Variants in FRMPD4 observed in about 807,000 individuals in gnomAD.
FRMPD4 encodes FERM and PDZ domain containing 4, also known as FERM and PDZ domain-containing protein 4.
Under a neutral mutation model 94.1 loss-of-function variants are expected in FRMPD4, and 22 were observed. The observed-to-expected ratio is 0.23, with a 90% CI of 0.17 to 0.33. The LOEUF (loss-of-function observed/expected upper bound fraction) is 0.33, where lower values mean the gene tolerates loss of function less well. Ranked by LOEUF, FRMPD4 falls within the 10% of genes least tolerant of loss-of-function variation. FRMPD4 has a pLI of 1.00. For synonymous variants in FRMPD4, 631 were observed against 548.6 expected, an observed-to-expected ratio of 1.15 and a Z score of -2.10; for missense variants, 1,111 against 1,339.9, an observed-to-expected ratio of 0.83 and a Z score of 2.67.
chrX:12,097,225 G>A (rs1049590156), intron 3 of FRMPD4, among the ~76,000 whole-genome samples: 3 of 111,820 alleles, frequency 2.7e-5, no homozygotes, highest in Admixed American at 1.9e-4. Context: ...AGAATGCAGA[G>A]AATGTTAGAA....
intron 1 of FRMPD4, among the ~76,000 whole-genome samples, chrX:12,218,743 C>T (rs919929660): frequency 1.8e-5 from 2 of 111,929 alleles, no homozygotes; most frequent in Non-Finnish European, 3.8e-5. Context: ...GAGTTTTAAA[C>T]TATGCCCCAG....
intron 1 of FRMPD4, among the ~76,000 whole-genome samples, chrX:12,411,942 G>T (rs1404022910): frequency 1.8e-5 from 2 of 111,695 alleles, no homozygotes; most frequent in Non-Finnish European, 3.8e-5. Context: ...ACTTGGGCAA[G>T]TTTGTCCCCT....
intron 9 of FRMPD4, among the ~76,000 whole-genome samples, chrX:12,695,215 C>T (rs745378610): frequency 9.0e-6 from 1 of 111,355 alleles, no homozygotes; most frequent in Non-Finnish European, 1.9e-5. Flanking sequence ...GGAAGAACAA[C>T]GCGAGTGACT....
At chrX:12,219,634 A>G (rs965580880) in intron 1 of FRMPD4, among the ~76,000 whole-genome samples, 4 of 111,715 alleles carry the variant, frequency 3.6e-5, no homozygotes, top group African/African-American at 1.3e-4. Flanking sequence ...GAATATCTGC[A>G]TTTTAGTCAA....
intron 2 of FRMPD4, among the ~76,000 whole-genome samples, chrX:12,510,859 C>T (rs752240286): frequency 2.7e-5 from 3 of 111,475 alleles, no homozygotes; most frequent in East Asian, 2.8e-4. Context: ...TCCTGAGTTA[C>T]GTTACTCAGA....
intron 3 of FRMPD4, among the ~76,000 whole-genome samples, chrX:11,919,009 T>TCTTTCTC (rs2054040780): frequency 8.9e-6 from 1 of 112,790 alleles, no homozygotes. Flanking sequence ...TCTTTTTTTC[T>TCTTTCTC]CTTTCTCCTG....
chrX:12,440,273 T>C (rs958227955), intron 1 of FRMPD4, among the ~76,000 whole-genome samples: 8 of 112,348 alleles, frequency 7.1e-5, no homozygotes, highest in African/African-American at 2.3e-4. Flanking sequence ...CTATATTTTA[T>C]TTGCAACCCT....
intron 2 of FRMPD4, among the ~76,000 whole-genome samples, chrX:12,530,932 T>A (rs952223060): frequency 9.0e-6 from 1 of 111,265 alleles, no homozygotes; most frequent in African/African-American, 3.3e-5. Context: ...TGGATGGATG[T>A]ATGGATAATG....
intron 2 of FRMPD4, among the ~76,000 whole-genome samples, chrX:12,518,720 GA>G (rs1381118785): frequency 9.0e-6 from 1 of 111,208 alleles, no homozygotes; most frequent in East Asian, 2.8e-4. Context: ...TTAGGCAAGG[GA>G]AAAAAATAAA....
intron 3 of FRMPD4, among the ~76,000 whole-genome samples, chrX:11,893,689 CT>C (rs1364981409): frequency 9.0e-6 from 1 of 111,603 alleles, no homozygotes; most frequent in Non-Finnish European, 1.9e-5. Context: ...GAGGTACTGT[CT>C]TTGGTGAGTT....
At chrX:12,671,062 C>T (rs151204672) in intron 4 of FRMPD4, among the ~76,000 whole-genome samples, 2,232 of 111,633 alleles carry the variant, frequency 0.02, 47 homozygotes, top group African/African-American at 0.066. Flanking sequence ...GTTAGAATGG[C>T]GATCATTAAA....
At chrX:12,538,357 G>T (rs1205001116) in intron 2 of FRMPD4, among the ~76,000 whole-genome samples, 1 of 22,591 alleles carries the variant, frequency 4.4e-5, no homozygotes, top group African/African-American at 9.2e-5. Context: ...AGCCCACCAC[G>T]GCTCAAGGAG....
At chrX:12,643,968 G>T (rs1200763798) in intron 4 of FRMPD4, among the ~76,000 whole-genome samples, 1 of 112,507 alleles carries the variant, frequency 8.9e-6, no homozygotes, top group Non-Finnish European at 1.9e-5. Flanking sequence ...ATCTGTTTTA[G>T]GTAGATGTGC....
At chrX:12,686,065 A>G (rs775144295) in intron 6 of FRMPD4, 32 bp from the exon 7 acceptor site, 2 of 711,015 alleles carry the variant, frequency 2.8e-6, no homozygotes, top group East Asian at 3.2e-5. Context: ...AATTTGATCA[A>G]TTTATGCCCT....
chrX:12,698,611 AAATATATATATATTTGG>A lies in FRMPD4; in HGVS notation c.934-3249_934-3233del, dbSNP rs761047226. ...GAGCAATAAAAGCATGATTAGTACC[AAATATATATATATTTGG>A]AATATATATATATGTTCCAAATTTC... On this transcript the variant is annotated intron_variant, in intron 9 of 16. Transcript: ENST00000675598. Among the ~76,000 whole-genome samples, 31 of 109,395 alleles carry A rather than the reference AAATATATATATATTTGG, an allele frequency of 2.8e-4. No individual in the cohort carries two copies. In the South Asian group the frequency reaches 4.0e-3, roughly 14 times the overall value. 95.0% of individuals were successfully genotyped at this position (109,395 alleles called of 115,157 possible). A position where few individuals can be genotyped will look rare whatever the true frequency, so the allele number is the denominator to read the frequency against.
chrX:12,622,015 A>AAAGAAAGAAAGAAAGGAAGG (rs1398888625), intron 4 of FRMPD4, among the ~76,000 whole-genome samples: 8 of 22,006 alleles, frequency 3.6e-4, no homozygotes, highest in East Asian at 2.5e-3. Flanking sequence ...AGAAAGAAAG[A>AAAGAAAGAAAGAAAGGAAGG]AAGGAAGGAA....
intron 3 of FRMPD4, among the ~76,000 whole-genome samples, chrX:11,886,906 C>G: frequency 9.0e-6 from 1 of 110,772 alleles, no homozygotes; most frequent in Non-Finnish European, 1.9e-5. Context: ...CATGTCTCCT[C>G]GGGGGGACCT....
chrX:12,013,684 C>G (rs2054591647), intron 3 of FRMPD4, among the ~76,000 whole-genome samples: 1 of 113,312 alleles, frequency 8.8e-6, no homozygotes, highest in African/African-American at 3.2e-5. Flanking sequence ...AGTACATGAA[C>G]CTGGCATAGG....
At chrX:12,385,955 C>G (rs752875411) in intron 1 of FRMPD4, among the ~76,000 whole-genome samples, 3 of 112,441 alleles carry the variant, frequency 2.7e-5, no homozygotes, top group African/African-American at 9.7e-5. Context: ...ATTCCTTTGA[C>G]AGTCCTATCA....
Sources: gnomAD v4.1 joint callset for allele counts (sites outside exome capture counted in the v4.1 genomes callset) on GRCh38, gnomAD v4.1.1 for gene constraint, MANE v1.5 for transcripts, NCBI Gene and HGNC (gene_info 2026-07-23, HGNC 2026-07-21) for gene names.